The following LRRK2 variants were observed in gnomAD, a reference collection of about 807,000 sequenced individuals.
The protein encoded by LRRK2 is leucine-rich repeat serine/threonine-protein kinase 2.
In LRRK2, 203 loss-of-function variants were observed where a neutral mutation model predicts 302.6. That is an observed-to-expected ratio of 0.67 (90% CI 0.60 to 0.75). The LOEUF (loss-of-function observed/expected upper bound fraction) is 0.75. Among genes scored for constraint, LRRK2 ranks in the 30% least tolerant of loss-of-function variants. The pLI, the probability that LRRK2 is intolerant of heterozygous loss-of-function variation, is 0.00. For missense variants in LRRK2, 2,830 were observed against 2,951.0 expected (o/e 0.96, Z 0.95); for synonymous variants, 1,066 against 1,031.9 (o/e 1.03, Z -0.63).
At chr12:40,267,936 G>A (rs530871689) in intron 14 of LRRK2, among the ~76,000 whole-genome samples, 2 of 152,152 alleles carry the variant, frequency 1.3e-5, no homozygotes, top group Non-Finnish European at 2.9e-5. Context: ...TAAACTTGGA[G>A]AGCAGAGTTC....
chr12:40,298,796 T>TATATAAATAA lies in LRRK2; in HGVS notation c.3347+306_3347+307insTAAATAAATA, dbSNP rs1485268496. 9.4e-5 allele frequency among the ~76,000 whole-genome samples: 11 copies of TATATAAATAA among 117,386 alleles called. 1 individual carries two copies. Among genetic ancestry groups the TATATAAATAA allele is most frequent in the African/African-American group, 2.9e-4 (9 of 31,438 alleles). 77.0% of individuals were successfully genotyped at this position (117,386 alleles called of 152,430 possible). ...TCAAAGAAATATATATATATATATA[T>TATATAAATAA]ATAATATATGTATTATAATATATAA... On this transcript the variant is annotated intron_variant, in intron 24 of 50. Transcript: ENST00000298910.
intron 49 of LRRK2, 28 bp downstream of exon 49, chr12:40,365,078 C>A: frequency 6.3e-7 from 1 of 1,582,344 alleles, no homozygotes; most frequent in Non-Finnish European, 8.7e-7. Flanking sequence ...AGATATTTTT[C>A]ATATTCTCTA....
At position 40,335,009 on chromosome 12, in the gene LRRK2, T is replaced by G; in HGVS notation, c.5800T>G (p.Ser1934Ala). Reference sequence around the variant, plus strand: ...CCACCTCCACCACCCCAGTTTGATATCTTTGCTGGCAGCTGGGATTCGTCC... The same window carrying G: ...CCACCTCCACCACCCCAGTTTGATAGCTTTGCTGGCAGCTGGGATTCGTCC... ...LCHLHHPSLI[S>A]LLAAGIRPRM... The change falls in exon 40 of 51, where the codon TCT becomes GCT. Residue 1934 changes from serine to alanine, a missense_variant. Physicochemically the swap from Ser to Ala is moderately conservative, Grantham distance 99 (BLOSUM62 1). This residue lies in a region of LRRK2 where 253 missense variants were observed against 346.7 expected (regional missense o/e 0.73). Transcript: ENST00000298910. 1 of 1,614,120 alleles carries G rather than the reference T, an allele frequency of 6.2e-7. No individual in the cohort carries two copies. The highest frequency in any genetic ancestry group is 8.5e-7 in the Non-Finnish European group (1 of 1,179,988).
rs756163748 is a variant in LRRK2 at position 40,283,856 on chromosome 12, A to C, written c.2242-19A>C. 6.3e-7 allele frequency: 1 copy of C among 1,599,832 alleles called. No individual in the cohort carries two copies. The highest frequency in any genetic ancestry group is 1.3e-5 in the African/African-American group (1 of 74,616). ...AAAAATGTAGATTTTTAATATACTT[A>C]ATTTTTTTTCTTTAATAGGTATGTG... is the stretch of plus-strand genomic sequence containing the variant. On this transcript the variant is annotated intron_variant, in intron 18 of 50. Transcript: ENST00000298910.
chr12:40,267,842 A>C (rs1943086485), intron 14 of LRRK2, among the ~76,000 whole-genome samples: 1 of 152,168 alleles, frequency 6.6e-6, no homozygotes, highest in Non-Finnish European at 1.5e-5. Context: ...TGCATGTCTT[A>C]CTCTGAATAG....
chr12:40,320,949 A>C, intron 34 of LRRK2, 85 bp from the exon 35 acceptor site: 3 of 1,441,856 alleles, frequency 2.1e-6, no homozygotes, highest in Non-Finnish European at 2.9e-6. Flanking sequence ...GATTACCTTC[A>C]TTGACTTTAA....
chr12:40,261,170 G>A (rs1175140690), intron 13 of LRRK2, among the ~76,000 whole-genome samples: 1 of 151,920 alleles, frequency 6.6e-6, no homozygotes, highest in African/African-American at 2.4e-5. Context: ...AAATATTATT[G>A]CATGTTTTAT....
Position 40,289,365 on chromosome 12 carries a change from A to C in LRRK2, c.2689+1826A>C, listed in dbSNP as rs186478115. On this transcript the variant is annotated intron_variant, in intron 20 of 50. Transcript: ENST00000298910. ...TAAGTCCTCTGGTGTTCTTTTAAAA[A>C]AAATTGTTCTTATTATTCTAGGTTC... is the stretch of plus-strand genomic sequence containing the variant. Among the ~76,000 whole-genome samples the C allele has an allele frequency of 1.8e-3, 280 of 151,736 alleles. 2 individuals are homozygous for C. Among genetic ancestry groups the C allele is most frequent in the African/African-American group, 6.1e-3 (254 of 41,500 alleles).
At chr12:40,353,528 C>T (rs1186765667) in intron 44 of LRRK2, among the ~76,000 whole-genome samples, 1 of 150,206 alleles carries the variant, frequency 6.7e-6, no homozygotes, top group Admixed American at 6.6e-5. Context: ...GGGCTCCTCA[C>T]ATCCCAGACG....
intron 39 of LRRK2, among the ~76,000 whole-genome samples, chr12:40,330,190 ATTT>A (rs1945674263): frequency 6.6e-6 from 1 of 152,090 alleles, no homozygotes; most frequent in Non-Finnish European, 1.5e-5. Context: ...TCTTCGAGTA[ATTT>A]TTTTAAGAAA....
At chr12:40,347,071 T>C (rs17484493) in intron 42 of LRRK2, 148 bp downstream of exon 42, 21,394 of 685,806 alleles carry the variant, frequency 0.031, 879 homozygotes, top group Admixed American at 0.14. Context: ...TTGTGATATA[T>C]TAATAAAAAT....
At chr12:40,238,724 A>G (rs1307595898) in intron 5 of LRRK2, among the ~76,000 whole-genome samples, 1 of 152,148 alleles carries the variant, frequency 6.6e-6, no homozygotes, top group Non-Finnish European at 1.5e-5. Context: ...CTTTTGTATC[A>G]TTATGAGAGC....
At chr12:40,244,285 A>G (rs1941874352) in intron 7 of LRRK2, among the ~76,000 whole-genome samples, 1 of 152,164 alleles carries the variant, frequency 6.6e-6, no homozygotes, top group Non-Finnish European at 1.5e-5. Context: ...ATCATACTGT[A>G]TGTTGTCTTC....
At chr12:40,310,762 G>A in intron 31 of LRRK2, 113 bp downstream of exon 31, 1 of 1,008,346 alleles carries the variant, frequency 9.9e-7, no homozygotes, top group African/African-American at 1.6e-5. Flanking sequence ...TTCTTTCCTT[G>A]TTGCTGTTAG....
At chr12:40,275,606 A>G (rs903758512) in intron 16 of LRRK2, among the ~76,000 whole-genome samples, 2 of 151,756 alleles carry the variant, frequency 1.3e-5, no homozygotes, top group African/African-American at 4.8e-5. Context: ...CATAAACTAC[A>G]AAGGAATTTT....
intron 45 of LRRK2, among the ~76,000 whole-genome samples, chr12:40,354,902 C>T (rs988156148): frequency 6.6e-6 from 1 of 151,806 alleles, no homozygotes; most frequent in Admixed American, 6.6e-5. Context: ...TACCAGTTAT[C>T]TAACTACCAA....
chr12:40,349,206 G>T (rs1946282303), intron 43 of LRRK2, among the ~76,000 whole-genome samples: 1 of 151,978 alleles, frequency 6.6e-6, no homozygotes, highest in African/African-American at 2.4e-5. Context: ...TGTCCATTTT[G>T]TAATTTATTA....
At chr12:40,235,791 GTGTTTTT>G in intron 4 of LRRK2, 77 bp downstream of exon 4, 1 of 462,996 alleles carries the variant, frequency 2.2e-6, no homozygotes, top group Non-Finnish European at 3.6e-6. Context: ...GTGTGTGTGT[GTGTTTTT>G]TTTTTTTTTT....
chr12:40,366,741 A>C (rs1441538511), intron 49 of LRRK2: 2 of 397,192 alleles, frequency 5.0e-6, no homozygotes, highest in Non-Finnish European at 4.7e-6. Context: ...ATGTATAAAT[A>C]CTGAGCCTAT....
Sources: gnomAD v4.1 joint callset for allele counts (sites outside exome capture counted in the v4.1 genomes callset) on GRCh38, gnomAD v4.1.1 for gene constraint, gnomAD v4.1.1 regional missense constraint, MANE v1.5 for transcripts, NCBI Gene and HGNC (gene_info 2026-07-23, HGNC 2026-07-21) for gene names.